Variants in RBFOX2 observed in about 807,000 individuals in gnomAD.
The protein encoded by RBFOX2 is RNA binding protein fox-1 homolog 2.
Under a neutral mutation model 49.1 loss-of-function variants are expected in RBFOX2, and 10 were observed. That is an observed-to-expected ratio of 0.20 (90% confidence interval 0.13 to 0.35). RBFOX2 has a LOEUF of 0.35. Among genes scored for constraint, RBFOX2 ranks in the 10% least tolerant of loss-of-function variants. RBFOX2 has a pLI of 1.00. For missense variants in RBFOX2, 323 were observed against 486.9 expected (o/e 0.66, Z 3.17); for synonymous variants, 183 against 187.4 (o/e 0.98, Z 0.19).
chr22:35,937,013 T>C (rs1321753634), intron 1 of RBFOX2, among the ~76,000 whole-genome samples: 1 of 152,210 alleles, frequency 6.6e-6, no homozygotes, highest in Non-Finnish European at 1.5e-5. Flanking sequence ...ACGACCCCTT[T>C]ATTACATGTC....
At chr22:35,944,586 A>C (rs1384087869) in intron 1 of RBFOX2, among the ~76,000 whole-genome samples, 1 of 152,208 alleles carries the variant, frequency 6.6e-6, no homozygotes, top group African/African-American at 2.4e-5. Context: ...TATACTTGTG[A>C]TATAATATAC....
At chr22:35,822,887 C>T (rs1383707242) in intron 1 of RBFOX2, 2 of 406,372 alleles carry the variant, frequency 4.9e-6, no homozygotes, top group Non-Finnish European at 9.5e-6. Flanking sequence ...TGCAGTGGCA[C>T]AATCCTAGCT....
At chr22:35,799,647 G>A (rs762423128) in intron 2 of RBFOX2, among the ~76,000 whole-genome samples, 4 of 152,130 alleles carry the variant, frequency 2.6e-5, no homozygotes, top group Non-Finnish European at 5.9e-5. Context: ...GACTTATGAT[G>A]GTTAAAAATA....
chr22:35,882,650 A>T, intron 1 of RBFOX2, among the ~76,000 whole-genome samples: 1 of 152,220 alleles, frequency 6.6e-6, no homozygotes, highest in Admixed American at 6.5e-5. Context: ...ACTAGCAGAG[A>T]TAGGACCTAG....
At chr22:35,901,522 G>T (rs1329030869) in intron 1 of RBFOX2, among the ~76,000 whole-genome samples, 24 of 152,074 alleles carry the variant, frequency 1.6e-4, no homozygotes, top group African/African-American at 5.6e-4. Flanking sequence ...GACAGAGATA[G>T]GGTTTGGGAG....
intron 1 of RBFOX2, among the ~76,000 whole-genome samples, chr22:35,981,056 G>A (rs940122195): frequency 1.3e-5 from 2 of 152,138 alleles, no homozygotes; most frequent in Non-Finnish European, 2.9e-5. Flanking sequence ...TACTAAGAAA[G>A]AAGCCTTTGA....
chr22:35,867,981 T>C (rs2043882218), intron 1 of RBFOX2, among the ~76,000 whole-genome samples: 1 of 152,096 alleles, frequency 6.6e-6, no homozygotes, highest in African/African-American at 2.4e-5. Context: ...GAGGCTGAGG[T>C]GGGAGGATCC....
At chr22:35,805,569 T>G (rs974637259) in intron 2 of RBFOX2, among the ~76,000 whole-genome samples, 18 of 152,094 alleles carry the variant, frequency 1.2e-4, no homozygotes, top group Non-Finnish European at 2.2e-4. Flanking sequence ...AGTTTGGTGG[T>G]TTCTTATAAA....
intron 1 of RBFOX2, among the ~76,000 whole-genome samples, chr22:35,852,049 T>C (rs751573886): frequency 1.5e-4 from 22 of 143,962 alleles, no homozygotes; most frequent in Middle Eastern, 3.4e-3. Flanking sequence ...AACAAAATAT[T>C]TGTGAAAAGC....
At chr22:35,914,703 T>C (rs985382612) in intron 1 of RBFOX2, among the ~76,000 whole-genome samples, 17 of 152,308 alleles carry the variant, frequency 1.1e-4, no homozygotes, top group Admixed American at 1.1e-3. Context: ...TGAAATCCAT[T>C]CCTCTACGTG....
intron 1 of RBFOX2, among the ~76,000 whole-genome samples, chr22:35,991,675 A>G (rs73161723): frequency 0.013 from 1,971 of 152,308 alleles, 24 homozygotes; most frequent in Admixed American, 0.024. Flanking sequence ...GAGATTCTGC[A>G]AGGAAGAAAC....
chr22:35,831,582 G>C (rs1028835874), intron 1 of RBFOX2, among the ~76,000 whole-genome samples: 1 of 152,190 alleles, frequency 6.6e-6, no homozygotes, highest in Non-Finnish European at 1.5e-5. Context: ...ATCATCTATA[G>C]CTTCTTCAAT....
intron 1 of RBFOX2, among the ~76,000 whole-genome samples, chr22:36,001,223 ACACACACACAC>A (rs201203843): frequency 0.028 from 3,596 of 129,862 alleles, 48 homozygotes; most frequent in South Asian, 0.052. Context: ...ACACACACAC[ACACACACACAC>A]TATATGTATA....
At chr22:35,972,280 T>G (rs1311677626) in intron 1 of RBFOX2, among the ~76,000 whole-genome samples, 1 of 152,182 alleles carries the variant, frequency 6.6e-6, no homozygotes, top group Non-Finnish European at 1.5e-5. Flanking sequence ...TGTTTTCATG[T>G]GTTCTATCTT....
intron 2 of RBFOX2, among the ~76,000 whole-genome samples, chr22:35,791,566 T>C (rs554903216): frequency 1.2e-3 from 188 of 152,328 alleles, no homozygotes; most frequent in African/African-American, 4.3e-3. Flanking sequence ...AGACTGAAAG[T>C]ACATTCATTT....
At chr22:35,895,392 C>T (rs143799723) in intron 1 of RBFOX2, among the ~76,000 whole-genome samples, 4 of 152,276 alleles carry the variant, frequency 2.6e-5, no homozygotes, top group Non-Finnish European at 4.4e-5. Context: ...TTTCCCTCTG[C>T]CCCAATTGTG....
At chr22:35,952,397 A>C (rs1413778457) in intron 1 of RBFOX2, among the ~76,000 whole-genome samples, 1 of 152,216 alleles carries the variant, frequency 6.6e-6, no homozygotes, top group Admixed American at 6.5e-5. Context: ...CCCCAAAAAA[A>C]CCTATAATAC....
rs147031261 is a variant in RBFOX2 at position 35,832,284 on chromosome 22, A to G, written c.27+7908T>C. Among the ~76,000 whole-genome samples the G allele has an allele frequency of 5.6e-3, 850 of 152,188 alleles. 4 individuals carry two copies. Among genetic ancestry groups the G allele is most frequent in the African/African-American group, 0.02 (815 of 41,498 alleles). ...GCTACTTGGGAGGCTGAGGCAGGAT[A>G]ATCACTTGAACCCAGGAGGCGGAGG... On this transcript the variant is annotated intron_variant, in intron 1 of 11. Transcript: ENST00000405409.
At chr22:35,916,266 G>C (rs1424103349) in intron 1 of RBFOX2, among the ~76,000 whole-genome samples, 1 of 152,114 alleles carries the variant, frequency 6.6e-6, no homozygotes. Context: ...ACCTTATAGA[G>C]AGAATGGGTG....
Sources: gnomAD v4.1 joint callset for allele counts (sites outside exome capture counted in the v4.1 genomes callset) on GRCh38, gnomAD v4.1.1 for gene constraint, MANE v1.5 for transcripts, NCBI Gene and HGNC (gene_info 2026-07-23, HGNC 2026-07-21) for gene names.